Variants in ZNF91 observed in about 807,000 individuals in gnomAD.
The protein encoded by ZNF91 is zinc finger protein 91, also known as zinc finger protein 91 (HPF7, HTF10).
In ZNF91, 7 loss-of-function variants were observed where a neutral mutation model predicts 12.6. The observed-to-expected ratio is 0.55, with a 90% CI of 0.31 to 1.04. ZNF91 has a LOEUF of 1.04. Ranked by LOEUF, ZNF91 falls within the 50% of genes least tolerant of loss-of-function variation. ZNF91 has a pLI of 0.05. For missense variants in ZNF91, 1,217 were observed against 1,385.4 expected (o/e 0.88, Z 1.93); for synonymous variants, 453 against 462.6 (o/e 0.98, Z 0.27).
intron 1 of ZNF91, among the ~76,000 whole-genome samples, chr19:23,390,936 T>G (rs1970046651): frequency 6.6e-6 from 1 of 152,232 alleles, no homozygotes; most frequent in Non-Finnish European, 1.5e-5. Flanking sequence ...ATTCCATGTC[T>G]TTGCTATTGT....
chr19:23,377,664 G>A (rs767163966), intron 1 of ZNF91, among the ~76,000 whole-genome samples: 9 of 152,158 alleles, frequency 5.9e-5, no homozygotes, highest in African/African-American at 9.7e-5. Flanking sequence ...TACAAATGAA[G>A]ACAACCATTC....
chr19:23,325,149 A>T (rs946799191), intron 1 of ZNF91: 1 of 151,538 alleles, frequency 6.6e-6, no homozygotes, highest in African/African-American at 2.4e-5. Flanking sequence ...AGCAGGAGAT[A>T]GGCAAGGGAG....
Position 23,360,754 on chromosome 19 carries a change from T to C in ZNF91, c.2225A>G (p.Tyr742Cys), listed in dbSNP as rs774362437. Reference protein sequence around the residue: ...HKFIHTGEKPYKCEECGKAFN... With the variant: ...HKFIHTGEKPCKCEECGKAFN... ...TGCTTTGCCACATTCTTCACACTTG[T>C]AAGGTTTCTCTCCAGTATGAATAAA... Residue 742 changes from tyrosine (Y) to cysteine (C), a missense_variant, in exon 4 of 4, where the codon TAC (tyrosine) becomes TGC (cysteine). Transcript: ENST00000300619. The C allele has an allele frequency of 3.1e-6, 5 of 1,613,422 alleles. No individual in the cohort carries two copies. In the East Asian group the frequency reaches 8.9e-5, roughly 29 times the overall value.
At chr19:23,395,228 C>T in intron 1 of ZNF91, 97 bp downstream of exon 1, 1 of 1,458,906 alleles carries the variant, frequency 6.9e-7, no homozygotes, top group Non-Finnish European at 9.5e-7. Context: ...GATTGTGGAG[C>T]TGACTGAAGG....
intron 2 of ZNF91, chr19:23,308,559 T>C (rs972426899): frequency 5.9e-5 from 9 of 152,178 alleles, no homozygotes; most frequent in African/African-American, 2.2e-4. Flanking sequence ...TTCTTCTGCC[T>C]GGTCTCTGCC....
At chr19:23,373,656 A>G (rs908062999) in intron 3 of ZNF91, 86 bp downstream of exon 3, 8 of 1,042,856 alleles carry the variant, frequency 7.7e-6, no homozygotes, top group Non-Finnish European at 1.1e-5. Context: ...TTTGGAACAC[A>G]GCTTCTCAGA....
chr19:23,374,795 C>T (rs770182850), intron 1 of ZNF91, 31 bp from the exon 2 acceptor site: 1 of 1,601,144 alleles, frequency 6.2e-7, no homozygotes, highest in East Asian at 2.3e-5. Flanking sequence ...CACATATTTA[C>T]AAAGTGGCTA....
At chr19:23,314,913 T>C (rs187369852), upstream of ZNF91, among the ~76,000 whole-genome samples, 11 of 152,288 alleles carry the variant, frequency 7.2e-5, no homozygotes, top group East Asian at 1.9e-3. Flanking sequence ...GCAGCACCTA[T>C]GTGGTGTGAC....
chr19:23,362,541 G>C lies in ZNF91; in HGVS notation c.438C>G (p.Leu146=), dbSNP rs747845278. 1 of 1,601,102 alleles carries C rather than the reference G, an allele frequency of 6.2e-7. No homozygotes were observed. Among genetic ancestry groups the C allele is most frequent in the Non-Finnish European group, 8.5e-7 (1 of 1,175,044 alleles). ...KEGYNKLNQC[L]TTAQSKVFQC... is the part of the protein sequence containing the mutation. The stretch of plus-strand genomic sequence containing the variant: ...GAAATACTTTGCTCTGGGCAGTTGT[G>C]AGACACTGGTTAAGTTTATTATAAC... The change falls in exon 4 of 4, where the codon CTC becomes CTG. Residue 146 remains leucine, a synonymous_variant. Transcript: ENST00000300619.
At chr19:23,384,834 G>A in intron 1 of ZNF91, 1 of 714,430 alleles carries the variant, frequency 1.4e-6, no homozygotes, top group South Asian at 1.5e-5. Context: ...CCTCCTCAGT[G>A]GTCAAAAATA....
At chr19:23,368,546 C>CTATATA (rs1242790644) in intron 3 of ZNF91, among the ~76,000 whole-genome samples, 1 of 92,646 alleles carries the variant, frequency 1.1e-5, no homozygotes, top group African/African-American at 4.3e-5. Context: ...CTCTCTCTCT[C>CTATATA]TCTCTCTCTC....
At chr19:23,371,513 T>C (rs1414696270) in intron 3 of ZNF91, among the ~76,000 whole-genome samples, 2 of 152,164 alleles carry the variant, frequency 1.3e-5, no homozygotes, top group African/African-American at 4.8e-5. Context: ...ACTTAAAGTA[T>C]ACAAACAGAA....
intron 3 of ZNF91, among the ~76,000 whole-genome samples, chr19:23,342,542 T>G (rs1192677399): frequency 2.0e-5 from 3 of 152,194 alleles, no homozygotes. Context: ...GAATTATCAT[T>G]AATCTAGAGT....
intron 1 of ZNF91, among the ~76,000 whole-genome samples, chr19:23,388,597 T>C (rs2170012): frequency 0.3 from 45,631 of 151,970 alleles, 7,326 homozygotes; most frequent in African/African-American, 0.41. Context: ...GGAGGCCAAA[T>C]GCAGTGGCTC....
intron 3 of ZNF91, among the ~76,000 whole-genome samples, chr19:23,364,657 T>C (rs1968932546): frequency 2.6e-5 from 4 of 152,210 alleles, no homozygotes; most frequent in Admixed American, 6.5e-5. Context: ...ATATTCACAT[T>C]TAAAAGTGTT....
At chr19:23,334,778 G>GTATA, downstream of ZNF91, among the ~76,000 whole-genome samples, 1 of 152,112 alleles carries the variant, frequency 6.6e-6, no homozygotes, top group East Asian at 1.9e-4. Flanking sequence ...ATTATAATGG[G>GTATA]GTTACCAAAA....
chr19:23,387,937 G>T, intron 1 of ZNF91, among the ~76,000 whole-genome samples: 1 of 86,014 alleles, frequency 1.2e-5, no homozygotes, highest in Admixed American at 1.5e-4. Context: ...GAGTGAGACT[G>T]TCTCAAAAAA....
chr19:23,395,212 G>A, intron 1 of ZNF91, 113 bp downstream of exon 1: 1 of 1,346,846 alleles, frequency 7.4e-7, no homozygotes, highest in Non-Finnish European at 1.0e-6. Flanking sequence ...GGAGAACCCG[G>A]GCACGGATTG....
chr19:23,334,337 T>C (rs1227093476), downstream of ZNF91, among the ~76,000 whole-genome samples: 1 of 152,118 alleles, frequency 6.6e-6, no homozygotes, highest in Non-Finnish European at 1.5e-5. Flanking sequence ...CCATCAAATG[T>C]TTTGGAGCAG....
Sources: gnomAD v4.1 joint callset for allele counts (sites outside exome capture counted in the v4.1 genomes callset) on GRCh38, gnomAD v4.1.1 for gene constraint, MANE v1.5 for transcripts, NCBI Gene and HGNC (gene_info 2026-07-23, HGNC 2026-07-21) for gene names.